Variants in RANBP2 observed in about 807,000 individuals in gnomAD.
RANBP2 encodes RAN binding protein 2, also known as E3 SUMO-protein ligase RanBP2.
In RANBP2, 57 loss-of-function variants were observed where a neutral mutation model predicts 303.6. The ratio of observed to expected loss-of-function variants is 0.19; its 90% confidence interval spans 0.15 to 0.23. The LOEUF is 0.23. RANBP2 is among the 10% of genes least tolerant of loss of function. The probability of loss-of-function intolerance (pLI) is 1.00; values close to 1 mark genes in which losing one functional copy is unlikely to be tolerated. For synonymous variants in RANBP2, 1,167 were observed against 1,301.5 expected, an observed-to-expected ratio of 0.90 and a Z score of 2.23; for missense variants, 3,138 against 3,780.8, an observed-to-expected ratio of 0.83 and a Z score of 4.46.
At chr2:108,920,109 C>A in the RANBP2 span, among the ~76,000 whole-genome samples, 10 of 152,254 alleles carry the variant, frequency 6.6e-5, no homozygotes, top group Non-Finnish European at 1.5e-4. Flanking sequence ...GTGCTGTCCA[C>A]ACCGCCAGTC....
At chr2:109,477,607 C>T in the RANBP2 span, among the ~76,000 whole-genome samples, 1 of 125,818 alleles carries the variant, frequency 7.9e-6, no homozygotes, top group Non-Finnish European at 1.7e-5. Flanking sequence ...CAAAATGCCA[C>T]AGATGGGTGT....
chr2:109,079,670 G>T, the RANBP2 span, among the ~76,000 whole-genome samples: 2 of 152,188 alleles, frequency 1.3e-5, no homozygotes, highest in Non-Finnish European at 2.9e-5. Context: ...AGTGCTAAAC[G>T]CTGGAATATG....
the RANBP2 span, among the ~76,000 whole-genome samples, chr2:109,549,670 C>T: frequency 4.0e-4 from 61 of 152,276 alleles, no homozygotes; most frequent in Admixed American, 3.3e-3. Flanking sequence ...CCCTTTTCCA[C>T]GGGGGATACA....
chr2:108,925,185 A>G, the RANBP2 span, among the ~76,000 whole-genome samples: 1 of 152,226 alleles, frequency 6.6e-6, no homozygotes, highest in Non-Finnish European at 1.5e-5. Context: ...AGCCTTGTTC[A>G]CGTCTCTATT....
At chr2:109,273,572 T>C in the RANBP2 span, among the ~76,000 whole-genome samples, 1 of 152,186 alleles carries the variant, frequency 6.6e-6, no homozygotes, top group African/African-American at 2.4e-5. Flanking sequence ...GCCAGGTGTC[T>C]TGTACAGATG....
chr2:108,788,121 C>T, downstream of RANBP2: 1 of 1,589,192 alleles, frequency 6.3e-7, no homozygotes, highest in Non-Finnish European at 8.5e-7. Flanking sequence ...TTGGGGGTTT[C>T]AAAAATTTAA....
the RANBP2 span, among the ~76,000 whole-genome samples, chr2:109,391,134 A>C: frequency 6.6e-6 from 1 of 152,156 alleles, no homozygotes. Flanking sequence ...CAGATTTTTA[A>C]ATGTCAACTC....
At chr2:109,536,908 A>G in the RANBP2 span, among the ~76,000 whole-genome samples, 3 of 152,198 alleles carry the variant, frequency 2.0e-5, no homozygotes, top group Non-Finnish European at 4.4e-5. Flanking sequence ...CATCCATGTA[A>G]GATGTGACTT....
At chr2:109,085,147 C>T in the RANBP2 span, among the ~76,000 whole-genome samples, 43 of 152,272 alleles carry the variant, frequency 2.8e-4, no homozygotes, top group East Asian at 6.2e-3. Context: ...TTGAGCCCTT[C>T]CTGCTTCGTT....
chr2:109,550,311 CTT>C, the RANBP2 span, among the ~76,000 whole-genome samples: 6 of 143,394 alleles, frequency 4.2e-5, 1 homozygote, highest in African/African-American at 1.5e-4. Context: ...AAAAAAGTAT[CTT>C]TTTTTTTTTT....
the RANBP2 span, among the ~76,000 whole-genome samples, chr2:108,992,695 T>A: frequency 6.6e-6 from 1 of 152,248 alleles, no homozygotes. Flanking sequence ...AATGTTTTTA[T>A]GCTCATGGTG....
the RANBP2 span, among the ~76,000 whole-genome samples, chr2:109,569,279 T>A: frequency 6.6e-6 from 1 of 151,480 alleles, no homozygotes; most frequent in African/African-American, 2.4e-5. Flanking sequence ...AAATACAAAA[T>A]AATTAGGTGG....
At chr2:109,117,920 C>T in the RANBP2 span, among the ~76,000 whole-genome samples, 68 of 152,302 alleles carry the variant, frequency 4.5e-4, no homozygotes, top group African/African-American at 1.6e-3. Flanking sequence ...TTGTAACTGC[C>T]TTGAGGAACA....
the RANBP2 span, among the ~76,000 whole-genome samples, chr2:109,516,313 G>A: frequency 6.6e-6 from 1 of 152,240 alleles, no homozygotes; most frequent in African/African-American, 2.4e-5. Flanking sequence ...CACTGATGGT[G>A]CTGTCTTAGG....
At chr2:109,161,689 T>C in the RANBP2 span, among the ~76,000 whole-genome samples, 3 of 151,768 alleles carry the variant, frequency 2.0e-5, no homozygotes, top group Admixed American at 1.3e-4. Context: ...GCAGAGATCA[T>C]ACAGTGAGAG....
At chr2:108,834,830 C>T in the RANBP2 span, among the ~76,000 whole-genome samples, 4 of 152,168 alleles carry the variant, frequency 2.6e-5, no homozygotes, top group Non-Finnish European at 4.4e-5. Context: ...TTCTAAGTAT[C>T]TCATGTAAGT....
the RANBP2 span, among the ~76,000 whole-genome samples, chr2:108,861,747 C>T: frequency 6.6e-6 from 1 of 152,080 alleles, no homozygotes; most frequent in Non-Finnish European, 1.5e-5. Flanking sequence ...TCCCAAAGTG[C>T]TGGGATTACA....
At chr2:109,634,138 A>G in the RANBP2 span, among the ~76,000 whole-genome samples, 5 of 150,602 alleles carry the variant, frequency 3.3e-5, no homozygotes, top group East Asian at 1.9e-4. Context: ...AAAAAAAAAA[A>G]AAAAAAAAGA....
At chr2:108,788,422 A>G (rs1319545426), downstream of RANBP2, among the ~76,000 whole-genome samples, 1 of 150,330 alleles carries the variant, frequency 6.7e-6, no homozygotes, top group Non-Finnish European at 1.5e-5. Context: ...CTCAGTCTCA[A>G]AAAAGAAAAA....
Sources: allele counts gnomAD v4.1 joint callset (sites outside exome capture counted in the v4.1 genomes callset), GRCh38; gene constraint gnomAD v4.1.1; transcripts MANE v1.5; gene names NCBI Gene and HGNC (gene_info 2026-07-23, HGNC 2026-07-21).